Variants in CPNE4 observed in about 807,000 individuals in gnomAD.
The protein encoded by CPNE4 is copine-4.
CPNE4 carries 25 observed loss-of-function variants against 67.9 expected under a neutral mutation model. The ratio of observed to expected loss-of-function variants is 0.37; its 90% CI spans 0.27 to 0.51. The LOEUF is 0.51. Ranked by LOEUF, CPNE4 falls within the 20% of genes least tolerant of loss-of-function variation. The pLI is 0.93. For synonymous variants in CPNE4, 242 were observed against 244.9 expected, an observed-to-expected ratio of 0.99 and a Z score of 0.11; for missense variants, 464 against 690.8, an observed-to-expected ratio of 0.67 and a Z score of 3.68.
chr3:131,897,602 T>C (rs2088387395), intron 2 of CPNE4, among the ~76,000 whole-genome samples: 1 of 151,822 alleles, frequency 6.6e-6, no homozygotes, highest in South Asian at 2.1e-4. Context: ...TCAATAAAAA[T>C]AGAAAAAAAT....
At chr3:131,784,969 T>G (rs2083519847) in intron 2 of CPNE4, among the ~76,000 whole-genome samples, 1 of 152,100 alleles carries the variant, frequency 6.6e-6, no homozygotes. Context: ...CAAATGGGCT[T>G]GTGTCTAAAT....
At chr3:131,574,532 C>T (rs927824577) in intron 10 of CPNE4, among the ~76,000 whole-genome samples, 2 of 152,078 alleles carry the variant, frequency 1.3e-5, no homozygotes, top group Non-Finnish European at 2.9e-5. Context: ...TCTAGACACC[C>T]ACTCTACTTC....
rs1312481275 is a variant in CPNE4 at position 131,552,452 on chromosome 3, G to A, written c.1156C>T (p.Pro386Ser). 1 of 1,612,326 alleles carries A rather than the reference G, an allele frequency of 6.2e-7. No homozygotes were observed. The highest frequency in any genetic ancestry group is 1.3e-5 in the African/African-American group (1 of 74,782). Reference protein sequence around the residue: ...DFAINFNEDNPECAGIQGVVE... With the variant: ...DFAINFNEDNSECAGIQGVVE... ...CGTTGTGCTTTACCTGCACATTCTG[G>A]GTTGTCTTCATTAAAGTTGATTGCA... The change falls in exon 13 of 16, where the codon CCA (proline) becomes TCA (serine). Residue 386 changes from proline (P) to serine (S), a missense_variant. Coordinates refer to ENST00000429747, the MANE Select transcript of CPNE4 (RefSeq NM_130808.3).
chr3:131,962,428 C>G (rs1048673879), intron 1 of CPNE4, among the ~76,000 whole-genome samples: 3 of 152,126 alleles, frequency 2.0e-5, no homozygotes, highest in South Asian at 2.1e-4. Flanking sequence ...AATGCACCAC[C>G]ACCACAACAA....
At chr3:131,728,120 A>C (rs2082041667) in intron 2 of CPNE4, among the ~76,000 whole-genome samples, 1 of 152,176 alleles carries the variant, frequency 6.6e-6, no homozygotes, top group Non-Finnish European at 1.5e-5. Flanking sequence ...GTAGGTGTGG[A>C]GTGGTCTCTC....
chr3:131,932,437 C>A (rs1011630660), intron 1 of CPNE4, among the ~76,000 whole-genome samples: 1 of 151,916 alleles, frequency 6.6e-6, no homozygotes, highest in Non-Finnish European at 1.5e-5. Context: ...AAGTGGAACA[C>A]AAGACTGACC....
intron 7 of CPNE4, among the ~76,000 whole-genome samples, chr3:131,664,734 T>A (rs1391538760): frequency 6.6e-6 from 1 of 152,136 alleles, no homozygotes; most frequent in Non-Finnish European, 1.5e-5. Flanking sequence ...ATGAAGATAA[T>A]GGAACCTACC....
chr3:131,932,745 C>T (rs996015046), intron 1 of CPNE4, among the ~76,000 whole-genome samples: 34 of 149,556 alleles, frequency 2.3e-4, no homozygotes, highest in African/African-American at 6.4e-4. Context: ...CTGGCAAACA[C>T]GGTGAAATAG....
At chr3:131,893,094 C>A (rs2088181154) in intron 2 of CPNE4, among the ~76,000 whole-genome samples, 1 of 151,922 alleles carries the variant, frequency 6.6e-6, no homozygotes, top group Non-Finnish European at 1.5e-5. Context: ...AAGAGACTCA[C>A]CTCATTTTTA....
chr3:131,717,874 T>TTTTCTTTCTC (rs1553758856), intron 3 of CPNE4, among the ~76,000 whole-genome samples: 1,011 of 97,038 alleles, frequency 0.01, 71 homozygotes, highest in African/African-American at 0.029. Context: ...TCTTTCTTTC[T>TTTTCTTTCTC]TTTCTTTCTT....
At chr3:131,556,076 T>C (rs1582789079) in intron 11 of CPNE4, among the ~76,000 whole-genome samples, 1 of 151,890 alleles carries the variant, frequency 6.6e-6, no homozygotes, top group Non-Finnish European at 1.5e-5. Flanking sequence ...TCGAAATGGA[T>C]ATTAAAAAGC....
intron 9 of CPNE4, 29 bp downstream of exon 9, chr3:131,581,550 A>T (rs779294236): frequency 6.8e-7 from 1 of 1,473,410 alleles, no homozygotes; most frequent in Non-Finnish European, 9.5e-7. Flanking sequence ...CTAGCTTCAT[A>T]CTCCTGGAAG....
chr3:132,014,683 G>T (rs2073851499), intron 1 of CPNE4, among the ~76,000 whole-genome samples: 1 of 152,030 alleles, frequency 6.6e-6, no homozygotes, highest in Non-Finnish European at 1.5e-5. Context: ...GCATTCCATG[G>T]TGTATATAAG....
intron 2 of CPNE4, among the ~76,000 whole-genome samples, chr3:131,799,917 TGTTGTGTG>T (rs1461412593): frequency 5.4e-5 from 3 of 55,720 alleles, no homozygotes; most frequent in African/African-American, 1.6e-4. Context: ...TGTGTGTGTG[TGTTGTGTG>T]TGTGTGTGTG....
intron 7 of CPNE4, among the ~76,000 whole-genome samples, chr3:131,662,293 G>T (rs2080146666): frequency 6.6e-6 from 1 of 152,142 alleles, no homozygotes; most frequent in South Asian, 2.1e-4. Flanking sequence ...CAGTGAATTT[G>T]TGGAGAAAAT....
rs150433816 is a variant in CPNE4, at chr3:131,839,285, C to T, written c.180+65979G>A. On this transcript the variant is annotated intron_variant, in intron 2 of 15. Transcript: ENST00000429747. ...ATTATAGAGAATAAGTCAAAAAAAT[C>T]GTGTTATGTCCACACAATGGACTTT... Among the ~76,000 whole-genome samples the T allele has an allele frequency of 1.3e-3, 201 of 151,674 alleles. 2 individuals are homozygous for T. In the East Asian group the frequency reaches 0.026, roughly 19 times the overall value.
At chr3:131,694,785 C>T (rs1379654382) in intron 5 of CPNE4, among the ~76,000 whole-genome samples, 1 of 152,128 alleles carries the variant, frequency 6.6e-6, no homozygotes, top group South Asian at 2.1e-4. Context: ...AGTGTAGAAC[C>T]TCCAGACAAG....
intron 1 of CPNE4, among the ~76,000 whole-genome samples, chr3:132,019,408 T>C (rs544660389): frequency 6.6e-6 from 1 of 152,354 alleles, no homozygotes; most frequent in East Asian, 1.9e-4. Flanking sequence ...AGCTATTGTT[T>C]TAAAGTTTAA....
At chr3:131,950,004 G>A (rs150288927) in intron 1 of CPNE4, among the ~76,000 whole-genome samples, 3 of 152,206 alleles carry the variant, frequency 2.0e-5, no homozygotes, top group African/African-American at 2.4e-5. Context: ...TCTGGAGCAT[G>A]TGTGAGAGTT....
Sources: gnomAD v4.1 joint callset for allele counts (sites outside exome capture counted in the v4.1 genomes callset) on GRCh38, gnomAD v4.1.1 for gene constraint, MANE v1.5 for transcripts, NCBI Gene and HGNC (gene_info 2026-07-23, HGNC 2026-07-21) for gene names.